METTL15: variants seen among roughly 807,000 people sequenced by gnomAD.
METTL15 encodes the protein 12S rRNA N(4)-cytidine methyltransferase METTL15.
METTL15 carries 34 observed loss-of-function variants against 38.3 expected under a neutral mutation model. The ratio of observed to expected loss-of-function variants is 0.89; its 90% CI spans 0.68 to 1.18. METTL15 has a LOEUF of 1.18. METTL15 is among the 50% of genes most tolerant of loss of function. The probability of loss-of-function intolerance (pLI) is 0.00; values close to 1 mark genes in which losing one functional copy is unlikely to be tolerated. For missense variants in METTL15, 438 were observed against 498.4 expected (o/e 0.88, Z 1.15); for synonymous variants, 162 against 170.9 (o/e 0.95, Z 0.41).
chr11:28,295,917 A>T (rs887897066), intron 5 of METTL15, among the ~76,000 whole-genome samples: 2 of 152,162 alleles, frequency 1.3e-5, no homozygotes, highest in Non-Finnish European at 2.9e-5. Context: ...CTGCACCATT[A>T]GCAAAGCTAT....
At chr11:28,278,623 A>G (rs918186193) in intron 4 of METTL15, among the ~76,000 whole-genome samples, 2 of 152,174 alleles carry the variant, frequency 1.3e-5, no homozygotes, top group Admixed American at 1.3e-4. Flanking sequence ...AAGTCTTACT[A>G]TTCTAAGGCA....
At chr11:28,206,135 G>T (rs1370149630) in intron 3 of METTL15, among the ~76,000 whole-genome samples, 4 of 149,670 alleles carry the variant, frequency 2.7e-5, no homozygotes, top group African/African-American at 5.0e-5. Context: ...GTCAATTTTG[G>T]CTTTTGTTGC....
chr11:28,250,897 C>G (rs1003224318), intron 4 of METTL15, among the ~76,000 whole-genome samples: 1 of 151,846 alleles, frequency 6.6e-6, no homozygotes, highest in Non-Finnish European at 1.5e-5. Flanking sequence ...TTTTTTTCCC[C>G]TATTTTCCTT....
chr11:28,388,786 T>G (rs1375654567), intron 5 of METTL15, among the ~76,000 whole-genome samples: 2 of 152,118 alleles, frequency 1.3e-5, no homozygotes, highest in South Asian at 4.1e-4. Context: ...ACCCATTAAC[T>G]CGTCGTTTAA....
chr11:28,162,313 T>C (rs1850494527), intron 3 of METTL15, among the ~76,000 whole-genome samples: 2 of 152,084 alleles, frequency 1.3e-5, no homozygotes, highest in African/African-American at 2.4e-5. Flanking sequence ...AGAGTGTACA[T>C]TGTCTTGGAA....
At chr11:28,434,646 A>G (rs1372032681) in intron 6 of METTL15, among the ~76,000 whole-genome samples, 1 of 152,186 alleles carries the variant, frequency 6.6e-6, no homozygotes, top group Non-Finnish European at 1.5e-5. Context: ...TTCATCACAC[A>G]TGCTGTCTGT....
In METTL15 at chr11:28,340,478, A is replaced by G. The variant is rs547574987; in HGVS notation, c.*190-11612A>G. Among the ~76,000 whole-genome samples the G allele has an allele frequency of 1.4e-4, 22 of 152,330 alleles. No individual in the cohort carries two copies. In the South Asian group the frequency reaches 4.3e-3, roughly 30 times the overall value. On this transcript the variant is annotated intron_variant and NMD_transcript_variant, in intron 3 of 7. Transcript: ENST00000532947. ...TGCAAGGAACTTAAACAAATTTACAAGAAAGAAACAACCCCATCAAAAAGT... is the reference window on the plus strand; with the variant it reads ...TGCAAGGAACTTAAACAAATTTACAGGAAAGAAACAACCCCATCAAAAAGT...
At chr11:28,489,937 CT>C (rs1209421960) in intron 6 of METTL15, among the ~76,000 whole-genome samples, 1 of 152,110 alleles carries the variant, frequency 6.6e-6, no homozygotes, top group African/African-American at 2.4e-5. Context: ...ACTGGTCACC[CT>C]GTGCAGCTGA....
intron 3 of METTL15, among the ~76,000 whole-genome samples, chr11:28,183,899 G>T (rs1851392624): frequency 6.6e-6 from 1 of 151,878 alleles, no homozygotes; most frequent in Non-Finnish European, 1.5e-5. Flanking sequence ...GGACTTTTTT[G>T]GTTGGTAGGC....
At chr11:28,430,935 C>T (rs1218412713) in intron 6 of METTL15, among the ~76,000 whole-genome samples, 5 of 109,098 alleles carry the variant, frequency 4.6e-5, no homozygotes, top group East Asian at 2.8e-4. Context: ...CCAGCCGCCC[C>T]GTCCGGGAGG....
chr11:28,117,414 GC>G (rs1252358930), intron 3 of METTL15, among the ~76,000 whole-genome samples: 1 of 151,692 alleles, frequency 6.6e-6, no homozygotes, highest in Non-Finnish European at 1.5e-5. Flanking sequence ...TAGTAACAAA[GC>G]CAAATGCTTA....
chr11:28,354,390 T>A (rs1564904445), intron 4 of METTL15, among the ~76,000 whole-genome samples: 1 of 152,186 alleles, frequency 6.6e-6, no homozygotes, highest in Non-Finnish European at 1.5e-5. Context: ...CTTTATCAAT[T>A]TCTTAACTGC....
chr11:28,279,628 C>T (rs949271387), intron 4 of METTL15, among the ~76,000 whole-genome samples: 1 of 152,230 alleles, frequency 6.6e-6, no homozygotes, highest in South Asian at 2.1e-4. Flanking sequence ...TGGCCGGGTG[C>T]GGTGGCTCAC....
intron 4 of METTL15, among the ~76,000 whole-genome samples, chr11:28,269,435 CA>C (rs1349861474): frequency 6.6e-6 from 1 of 151,840 alleles, no homozygotes; most frequent in Non-Finnish European, 1.5e-5. Context: ...TAACATTATA[CA>C]TATCAAGCTT....
chr11:28,279,514 C>T (rs987511391), intron 4 of METTL15, among the ~76,000 whole-genome samples: 2 of 151,952 alleles, frequency 1.3e-5, no homozygotes, highest in Non-Finnish European at 2.9e-5. Context: ...AAAATTAGTC[C>T]ATTTCTTCAT....
intron 5 of METTL15, among the ~76,000 whole-genome samples, chr11:28,419,835 A>T (rs1432375995): frequency 6.6e-6 from 1 of 152,202 alleles, no homozygotes; most frequent in Non-Finnish European, 1.5e-5. Context: ...AATTAAAAGG[A>T]ATCAAGCAGA....
intron 6 of METTL15, among the ~76,000 whole-genome samples, chr11:28,320,583 T>C (rs1414505581): frequency 1.3e-5 from 2 of 151,898 alleles, no homozygotes; most frequent in African/African-American, 2.4e-5. Flanking sequence ...AAAATACCTG[T>C]GCAGAAAGGT....
rs189983886 is a variant in METTL15 at position 28,242,226 on chromosome 11, A to C, written c.407+31028A>C. Among the ~76,000 whole-genome samples, 3 of 152,306 alleles carry C rather than the reference A, an allele frequency of 2.0e-5. No individual in the cohort carries two copies. In the East Asian group the frequency reaches 5.8e-4, roughly 29 times the overall value. ...ATTTGTCAATCATTATTAAGTATTC[A>C]TTCATGTTAAAATTCTTCTGTTACT... On this transcript the variant is annotated intron_variant, in intron 4 of 6. Transcript: ENST00000407364.
rs529032719 is a variant in METTL15, at chr11:28,137,757, G to A, written c.270+24153G>A. 1.1e-4 allele frequency among the ~76,000 whole-genome samples: 16 copies of A among 150,810 alleles called. No homozygotes were observed. The South Asian group carries it at 3.2e-3, about 30-fold the overall frequency. ...ATATTTCTATTTCTCAAAGATTAAA[G>A]TCACTTGAACTAACAGGCATTACAG... On this transcript the variant is annotated intron_variant, in intron 3 of 6. Coordinates refer to ENST00000407364, the MANE Select transcript of METTL15 (RefSeq NM_001113528.2).
Sources: gnomAD v4.1 joint callset for allele counts (sites outside exome capture counted in the v4.1 genomes callset) on GRCh38, gnomAD v4.1.1 for gene constraint, MANE v1.5 for transcripts, NCBI Gene and HGNC (gene_info 2026-07-23, HGNC 2026-07-21) for gene names.